Variants in TTC34 observed in about 807,000 individuals in gnomAD.
TTC34 encodes tetratricopeptide repeat domain 34.
TTC34 carries 44 observed loss-of-function variants against 40.7 expected under a neutral mutation model. That is an observed-to-expected ratio of 1.08 (90% confidence interval 0.85 to 1.39). The LOEUF (loss-of-function observed/expected upper bound fraction) is 1.39. Ranked by LOEUF, TTC34 falls within the 40% of genes most tolerant of loss-of-function variation. The pLI is 0.00. For synonymous variants in TTC34, 422 were observed against 398.6 expected (o/e 1.06, Z -0.70); for missense variants, 884 against 838.0 (o/e 1.05, Z -0.68).
At chr1:2,699,740 TTG>T (rs1557632682) in intron 6 of TTC34, among the ~76,000 whole-genome samples, 6 of 24,824 alleles carry the variant, frequency 2.4e-4, no homozygotes, top group Non-Finnish European at 5.9e-4. Context: ...ACACCCCCAT[TTG>T]AGCATCCGAC....
At chr1:2,649,537 T>A (rs1366297684) in intron 6 of TTC34, among the ~76,000 whole-genome samples, 2 of 151,972 alleles carry the variant, frequency 1.3e-5, no homozygotes, top group Non-Finnish European at 2.9e-5. Flanking sequence ...CAGGTGAGCA[T>A]CTGATGGTTT....
intron 6 of TTC34, among the ~76,000 whole-genome samples, chr1:2,694,296 AGC>A: frequency 7.5e-6 from 1 of 132,822 alleles, no homozygotes; most frequent in Non-Finnish European, 1.6e-5. Context: ...GACAGCCTGG[AGC>A]AGCACCCACA....
intron 6 of TTC34, among the ~76,000 whole-genome samples, chr1:2,691,240 C>T (rs551824681): frequency 2.3e-5 from 2 of 85,440 alleles, no homozygotes; most frequent in East Asian, 2.7e-4. Context: ...GAGCATCTGA[C>T]AGCCTGCAAC....
At chr1:2,644,912 A>G (rs1249845430) in intron 7 of TTC34, among the ~76,000 whole-genome samples, 1 of 151,936 alleles carries the variant, frequency 6.6e-6, no homozygotes, top group African/African-American at 2.4e-5. Context: ...AAGGGCCTGC[A>G]TGTCGGCCCA....
chr1:2,686,521 C>G (rs1183009375), intron 6 of TTC34, among the ~76,000 whole-genome samples: 8 of 116,466 alleles, frequency 6.9e-5, no homozygotes, highest in African/African-American at 1.6e-4. Flanking sequence ...GCACCCTGCA[C>G]CCCCAGGGGA....
intron 6 of TTC34, among the ~76,000 whole-genome samples, chr1:2,760,608 A>C (rs1434876543): frequency 6.6e-4 from 4 of 6,016 alleles, no homozygotes; most frequent in South Asian, 0.013. Flanking sequence ...CCCAAACCCC[A>C]AGGTGAGCAT....
chr1:2,792,043 G>T (rs1412924757), intron 2 of TTC34, among the ~76,000 whole-genome samples: 4 of 36,420 alleles, frequency 1.1e-4, no homozygotes, highest in South Asian at 1.5e-3. Context: ...TAAAGACAGG[G>T]TCTTGCTCCA....
intron 6 of TTC34, among the ~76,000 whole-genome samples, chr1:2,688,169 C>G (rs1198977821): frequency 2.3e-4 from 29 of 126,284 alleles, no homozygotes; most frequent in African/African-American, 7.3e-4. Flanking sequence ...CACCCACACC[C>G]CCAGGCGAGC....
chr1:2,800,843 G>A (rs1643765057), exon 2 of TTC34: 4 of 398,482 alleles, frequency 1.0e-5, no homozygotes, highest in Admixed American at 4.4e-5. Flanking sequence ...GGACCCCGAC[G>A]GGCCCATGTC....
At chr1:2,653,365 C>T (rs796541740) in intron 6 of TTC34, among the ~76,000 whole-genome samples, 15 of 31,008 alleles carry the variant, frequency 4.8e-4, no homozygotes, top group East Asian at 2.7e-3. Context: ...ACAGCACCCA[C>T]ACCCCCAGGC....
Position 2,641,458 on chromosome 1 carries a change from G to A in TTC34, c.3150C>T (p.Ser1050=), listed in dbSNP as rs1429568230. The A allele has an allele frequency of 7.2e-6, 11 of 1,535,416 alleles. No individual in the cohort carries two copies. The Admixed American group carries it at 1.2e-4, about 16-fold the overall frequency. ...GGTGGTCGGGGTCCACCAGGAGGCC[G>A]CTCTCTACCGCCGTCCAGGCCTCTG... The change falls in exon 9 of 9, where the codon AGC becomes AGT. Residue 1050 remains serine, a synonymous_variant. Transcript: ENST00000401095.
chr1:2,657,644 T>G (rs1570766619), intron 6 of TTC34, among the ~76,000 whole-genome samples: 2 of 90,796 alleles, frequency 2.2e-5, no homozygotes, highest in East Asian at 2.6e-4. Flanking sequence ...TCTGACCGCA[T>G]GGAGCAGCAC....
At chr1:2,789,581 C>CGCTGCAGCATCCCACGGGCCT in exon 3 of TTC34, 1 of 1,475,084 alleles carries the variant, frequency 6.8e-7, no homozygotes, top group South Asian at 1.3e-5. Flanking sequence ...GCGTGGAGAT[C>CGCTGCAGCATCCCACGGGCCT]GCTGCAGCAT....
At chr1:2,648,611 G>A (rs1639065250) in intron 6 of TTC34, among the ~76,000 whole-genome samples, 1 of 151,632 alleles carries the variant, frequency 6.6e-6, no homozygotes, top group Non-Finnish European at 1.5e-5. Context: ...CTGACAGCCT[G>A]GAACAGCACC....
chr1:2,751,105 C>T lies in TTC34; in HGVS notation c.2226+32504G>A, dbSNP rs1350934512. 3.3e-4 allele frequency among the ~76,000 whole-genome samples: 31 copies of T among 94,492 alleles called. 6 individuals carry two copies. Among genetic ancestry groups the T allele is most frequent in the Admixed American group, 6.2e-4 (5 of 8,100 alleles). The allele number at this position is 94,492 out of a possible 152,430, so 62.0% of individuals were successfully genotyped here. ...CCCACATGCCCAGCTGAGCCTCTGA[C>T]AGCCTGGAACAGCACCCTGTACCCC... On this transcript the variant is annotated intron_variant, in intron 6 of 8. Coordinates refer to ENST00000401095, the Ensembl canonical transcript of TTC34.
Position 2,750,368 on chromosome 1 carries a change from G to A in TTC34, c.2226+33241C>T, listed in dbSNP as rs1186618483. ...AGCCTTGAACAGCACCCTGCACCCC[G>A]AGGTGAGCATCTGACAGCCTGGAAC... On this transcript the variant is annotated intron_variant, in intron 6 of 8. Transcript: ENST00000401095. Among the ~76,000 whole-genome samples, 3 of 38,300 alleles carry A rather than the reference G, an allele frequency of 7.8e-5. 1 individual carries two copies. The highest frequency in any genetic ancestry group is 1.4e-3 in the East Asian group (1 of 718). 25.1% of individuals were successfully genotyped at this position (38,300 alleles called of 152,430 possible).
chr1:2,698,706 C>T (rs1158406640), intron 6 of TTC34, among the ~76,000 whole-genome samples: 3 of 130,262 alleles, frequency 2.3e-5, no homozygotes, highest in Non-Finnish European at 3.3e-5. Context: ...GAGCATTCGA[C>T]AGCCTGGAGC....
chr1:2,760,478 C>T (rs1641658647), intron 6 of TTC34, among the ~76,000 whole-genome samples: 1 of 55,176 alleles, frequency 1.8e-5, no homozygotes, highest in Non-Finnish European at 2.9e-5. Context: ...TGGAACACCA[C>T]CCACATCCGC....
chr1:2,644,379 T>G lies in TTC34; in HGVS notation c.2597A>C (p.Lys866Thr), dbSNP rs899455721. Reference sequence around the variant, plus strand: ...CCTTGCAGCCCCTGGCACGTCTCCCTTCTTGAGCTGGAGCAGGCCCAGCCG... The same window carrying G: ...CCTTGCAGCCCCTGGCACGTCTCCCGTCTTGAGCTGGAGCAGGCCCAGCCG... Residue 866 changes from lysine to threonine, a missense_variant, in exon 8 of 9, where the codon AAG (lysine) becomes ACG (threonine). Lys to Thr is a moderately conservative substitution (Grantham distance 78, BLOSUM62 -1). Coordinates refer to ENST00000401095, the Ensembl canonical transcript of TTC34. 1.3e-6 allele frequency: 2 copies of G among 1,535,878 alleles called. No individual in the cohort carries two copies. Among genetic ancestry groups the G allele is most frequent in the African/African-American group, 1.4e-5 (1 of 73,024 alleles).
Sources: gnomAD v4.1 joint callset for allele counts (sites outside exome capture counted in the v4.1 genomes callset) on GRCh38, gnomAD v4.1.1 for gene constraint, MANE v1.5 for transcripts, NCBI Gene and HGNC (gene_info 2026-07-23, HGNC 2026-07-21) for gene names.